Variants in CNGA3 observed in about 807,000 individuals in gnomAD.
CNGA3 encodes the protein cyclic nucleotide gated channel subunit alpha 3.
In CNGA3, 42 loss-of-function variants were observed where a neutral mutation model predicts 46.6. That is an observed-to-expected ratio of 0.90 (90% CI 0.70 to 1.17). The LOEUF (loss-of-function observed/expected upper bound fraction) is 1.17. CNGA3 is among the 50% of genes most tolerant of loss of function. The probability of loss-of-function intolerance (pLI) is 0.00; values close to 1 mark genes in which losing one functional copy is unlikely to be tolerated. For missense variants in CNGA3, 893 were observed against 890.7 expected (o/e 1.00, Z -0.03); for synonymous variants, 394 against 369.4 (o/e 1.07, Z -0.76).
chr2:98,348,266 G>T (rs1028251614), intron 1 of CNGA3, among the ~76,000 whole-genome samples: 56 of 152,224 alleles, frequency 3.7e-4, no homozygotes, highest in African/African-American at 1.3e-3. Flanking sequence ...TGACTGGCTG[G>T]TGGAGGCAGG....
chr2:98,375,019 G>A (rs1040024347), intron 2 of CNGA3, among the ~76,000 whole-genome samples: 6 of 152,238 alleles, frequency 3.9e-5, no homozygotes, highest in Non-Finnish European at 4.4e-5. Context: ...CAGCCTGCAG[G>A]TGCTGGAGCA....
intron 2 of CNGA3, among the ~76,000 whole-genome samples, chr2:98,372,049 G>T (rs1692299613): frequency 6.6e-6 from 1 of 152,228 alleles, no homozygotes; most frequent in Non-Finnish European, 1.5e-5. Flanking sequence ...CCTAAAGGCA[G>T]AGAAGGCAGT....
chr2:98,379,256 T>C (rs1215794557), intron 3 of CNGA3, among the ~76,000 whole-genome samples: 1 of 152,238 alleles, frequency 6.6e-6, no homozygotes, highest in Non-Finnish European at 1.5e-5. Context: ...CATAAGTGTG[T>C]GATTAGGGTC....
chr2:98,376,910 C>G lies in CNGA3; in HGVS notation c.102-777C>G, dbSNP rs529250580. ...TCTTATTCCAGGCAATTCAACCAGA[C>G]TCTGCTGGTGTGACTGGTGGTTGTA... On this transcript the variant is annotated intron_variant, in intron 2 of 7. Transcript: ENST00000272602. Among the ~76,000 whole-genome samples the G allele has an allele frequency of 1.6e-4, 24 of 152,324 alleles. 1 individual carries two copies. Among genetic ancestry groups the G allele is most frequent in the African/African-American group, 5.8e-4 (24 of 41,568 alleles).
intron 3 of CNGA3, chr2:98,378,177 T>C (rs768828814): frequency 6.4e-7 from 1 of 1,550,624 alleles, no homozygotes; most frequent in South Asian, 1.2e-5. Flanking sequence ...GAGTCTGAAA[T>C]GGCTCTGGCA....
chr2:98,385,057 T>C (rs945172452), intron 5 of CNGA3, among the ~76,000 whole-genome samples: 5 of 152,232 alleles, frequency 3.3e-5, no homozygotes, highest in Non-Finnish European at 7.3e-5. Flanking sequence ...TTTGCAGTTC[T>C]GTGTAGGGTT....
At position 98,370,065 on chromosome 2, in the gene CNGA3, T is replaced by A. The variant is rs1213180679; in HGVS notation, c.90T>A (p.Asn30Lys). 15 of 1,613,194 alleles carry A rather than the reference T, an allele frequency of 9.3e-6. No homozygotes were observed. Among genetic ancestry groups the A allele is most frequent in the Non-Finnish European group, 1.3e-5 (15 of 1,179,572 alleles). The change falls in exon 2 of 8, where the codon AAT (asparagine) becomes AAA (lysine). Residue 30 changes from asparagine (N) to lysine (K), a missense_variant. By Grantham distance (94) the Asn-to-Lys change is moderately conservative (BLOSUM62 0). This residue lies in a region of CNGA3 where 333 missense variants were observed against 290.8 expected (regional missense o/e 1.15). Coordinates refer to ENST00000272602, the MANE Select transcript of CNGA3 (RefSeq NM_001298.3). ...ACCGAGATCTCAATCGCGCTGAAAATGGCCTCAGCAGGTAAGATGGGCTAA... is the reference window on the plus strand; with the variant it reads ...ACCGAGATCTCAATCGCGCTGAAAAAGGCCTCAGCAGGTAAGATGGGCTAA... ...TSDRDLNRAE[N>K]GLSRAHSSSE...
At chr2:98,382,379 G>A (rs898087590) in intron 4 of CNGA3, among the ~76,000 whole-genome samples, 4 of 152,220 alleles carry the variant, frequency 2.6e-5, no homozygotes, top group African/African-American at 4.8e-5. Context: ...TCCCACGGCG[G>A]TTCCAGTTCC....
intron 5 of CNGA3, among the ~76,000 whole-genome samples, chr2:98,389,399 A>G (rs369920608): frequency 2.2e-4 from 34 of 152,248 alleles, no homozygotes; most frequent in African/African-American, 7.7e-4. Flanking sequence ...GCACATGGGA[A>G]TGTCATCACC....
chr2:98,354,375 G>T (rs1343173211), intron 1 of CNGA3, among the ~76,000 whole-genome samples: 1 of 152,044 alleles, frequency 6.6e-6, no homozygotes, highest in South Asian at 2.1e-4. Flanking sequence ...GTTAGCATGT[G>T]CTTCTTAGCC....
Position 98,396,783 on chromosome 2 carries a change from T to C in CNGA3, c.1613T>C (p.Phe538Ser). 1.2e-6 allele frequency: 2 copies of C among 1,614,130 alleles called. No individual in the cohort carries two copies. The highest frequency in any genetic ancestry group is 1.7e-6 in the Non-Finnish European group (2 of 1,180,020). The change falls in exon 8 of 8, where the codon TTC (phenylalanine) becomes TCC (serine). Residue 538 changes from phenylalanine to serine, a missense_variant. By Grantham distance (155) the Phe-to-Ser change is radical. This residue lies in a region of CNGA3 where 548 missense variants were observed against 570.8 expected (regional missense o/e 0.96). Coordinates refer to ENST00000272602, the MANE Select transcript of CNGA3 (RefSeq NM_001298.3). Reference protein sequence around the residue: ...AVVADDGVTQFVVLSDGSYFG... With the variant: ...AVVADDGVTQSVVLSDGSYFG... ...GTGGCTGATGATGGGGTCACCCAGT[T>C]CGTGGTCCTCAGCGATGGCAGCTAC...
Position 98,396,075 on chromosome 2 carries a change from G to A in CNGA3, c.905G>A (p.Arg302Lys). The change falls in exon 8 of 8, where the codon AGG becomes AAG. Residue 302 changes from arginine to lysine, a missense_variant. By Grantham distance (26) the Arg-to-Lys change is conservative (BLOSUM62 2). Transcript: ENST00000272602. ...ETRTNYPNMF[R>K]IGNLVLYILI... The stretch of plus-strand genomic sequence containing the variant: ...AGGACCAACTACCCCAATATGTTCA[G>A]GATTGGGAACTTGGTCTTGTACATT... The A allele has an allele frequency of 2.5e-6, 4 of 1,614,172 alleles. No individual in the cohort carries two copies. The highest frequency in any genetic ancestry group is 3.4e-6 in the Non-Finnish European group (4 of 1,180,036).
Position 98,377,750 on chromosome 2 carries a change from A to G in CNGA3, c.165A>G (p.Arg55=), listed in dbSNP as rs907733588. The change falls in exon 3 of 8, where the codon AGA becomes AGG. Residue 55 remains arginine, a synonymous_variant. Coordinates refer to ENST00000272602, the MANE Select transcript of CNGA3 (RefSeq NM_001298.3). ...VLQPGIAMET[R]GLADSGQGSF... ...AGCCGGGGATCGCCATGGAGACCAG[A>G]GGACTGGCTGACTCCGGGCAGGGCT... 3 of 1,613,070 alleles carry G rather than the reference A, an allele frequency of 1.9e-6. No individual in the cohort carries two copies. Among genetic ancestry groups the G allele is most frequent in the Admixed American group, 3.3e-5 (2 of 59,990 alleles).
chr2:98,378,051 TG>T lies in CNGA3; in HGVS notation c.215+252del, dbSNP rs1218492751. On this transcript the variant is annotated intron_variant, in intron 3 of 7. Coordinates refer to ENST00000272602, the MANE Select transcript of CNGA3 (RefSeq NM_001298.3). ...TAATAAAAGCTGACATTGAGGTACT[TG>T]CTCAGGTTTGGAAGAATTCAGAAAA... is the stretch of plus-strand genomic sequence containing the variant. 5 of 1,549,510 alleles carry T rather than the reference TG, an allele frequency of 3.2e-6. No homozygotes were observed. The Admixed American group carries it at 9.9e-5, about 31-fold the overall frequency.
intron 2 of CNGA3, among the ~76,000 whole-genome samples, chr2:98,373,871 G>A (rs748703545): frequency 6.6e-6 from 1 of 152,120 alleles, no homozygotes; most frequent in African/African-American, 2.4e-5. Flanking sequence ...ACAGAAGAGT[G>A]GTCTTCTTGT....
intron 1 of CNGA3, chr2:98,356,071 A>G (rs905317341): frequency 6.6e-6 from 1 of 152,196 alleles, no homozygotes; most frequent in Non-Finnish European, 1.5e-5. Context: ...GTGCTTCAGC[A>G]CTGGAGAATT....
intron 1 of CNGA3, among the ~76,000 whole-genome samples, chr2:98,359,157 G>A (rs1204057553): frequency 6.6e-6 from 1 of 152,216 alleles, no homozygotes; most frequent in Non-Finnish European, 1.5e-5. Flanking sequence ...CAAGGAGCCA[G>A]GTAGAAAGTG....
At chr2:98,372,982 T>C (rs1260414717) in intron 2 of CNGA3, among the ~76,000 whole-genome samples, 1 of 152,174 alleles carries the variant, frequency 6.6e-6, no homozygotes, top group Non-Finnish European at 1.5e-5. Flanking sequence ...GATTTCAAAA[T>C]GAGAGACAGA....
At chr2:98,358,425 A>G (rs1691940917) in intron 1 of CNGA3, among the ~76,000 whole-genome samples, 1 of 152,228 alleles carries the variant, frequency 6.6e-6, no homozygotes, top group Non-Finnish European at 1.5e-5. Context: ...CCAGAGAAAT[A>G]TAAGATCTTA....
Sources: allele counts gnomAD v4.1 joint callset (sites outside exome capture counted in the v4.1 genomes callset), GRCh38; gene constraint gnomAD v4.1.1; regional missense constraint gnomAD v4.1.1; transcripts MANE v1.5; gene names NCBI Gene and HGNC (gene_info 2026-07-23, HGNC 2026-07-21).